Variants in C3orf70 observed in about 807,000 individuals in gnomAD.
C3orf70 encodes UPF0524 protein C3orf70.
Under a neutral mutation model 20.7 loss-of-function variants are expected in C3orf70, and 15 were observed. The ratio of observed to expected loss-of-function variants is 0.72; its 90% confidence interval spans 0.48 to 1.11. The LOEUF (loss-of-function observed/expected upper bound fraction) is 1.11. C3orf70 is among the 50% of genes most tolerant of loss of function. The probability of loss-of-function intolerance (pLI) is 0.00; values close to 1 mark genes in which losing one functional copy is unlikely to be tolerated. For missense variants in C3orf70, 332 were observed against 317.6 expected (o/e 1.05, Z -0.34); for synonymous variants, 161 against 125.7 (o/e 1.28, Z -1.88).
chr3:185,140,982 G>GA (rs1716739871), intron 1 of C3orf70, among the ~76,000 whole-genome samples: 8 of 124,000 alleles, frequency 6.5e-5, no homozygotes, highest in Middle Eastern at 4.0e-3. Context: ...AAAAAAAAAA[G>GA]AAAAAAAAAG....
intron 1 of C3orf70, among the ~76,000 whole-genome samples, chr3:185,142,408 G>A (rs1716773694): frequency 6.6e-6 from 1 of 152,190 alleles, no homozygotes; most frequent in Non-Finnish European, 1.5e-5. Context: ...ACTCCAGCCT[G>A]GGTGACACAG....
intron 1 of C3orf70, among the ~76,000 whole-genome samples, chr3:185,125,340 A>C (rs1716384491): frequency 6.6e-6 from 1 of 152,044 alleles, no homozygotes; most frequent in African/African-American, 2.4e-5. Flanking sequence ...ACACCATGCC[A>C]TTGCACTCCA....
chr3:185,083,269 G>A lies in C3orf70; in HGVS notation c.491C>T (p.Ala164Val), dbSNP rs776140133. ...SHRMSPEEVSAHDALISKESN... is the reference protein window; with the variant it reads ...SHRMSPEEVSVHDALISKESN... ...CTCTTTTGAAATTAAGGCATCGTGT[G>A]CAGAGACCTCCTCAGGGCTCATTCT... Residue 164 changes from alanine (A) to valine (V), a missense_variant, in exon 2 of 2, where the codon GCA (alanine) becomes GTA (valine). Coordinates refer to ENST00000335012, the MANE Select transcript of C3orf70 (RefSeq NM_001025266.3). The A allele has an allele frequency of 5.5e-5, 88 of 1,614,072 alleles. No homozygotes were observed. The highest frequency in any genetic ancestry group is 7.1e-5 in the Non-Finnish European group (84 of 1,180,050).
chr3:185,084,155 C>T (rs1314661941), intron 1 of C3orf70, among the ~76,000 whole-genome samples: 1 of 151,810 alleles, frequency 6.6e-6, no homozygotes, highest in African/African-American at 2.4e-5. Context: ...TGCACTCCAG[C>T]CTGGGCGACA....
intron 1 of C3orf70, among the ~76,000 whole-genome samples, chr3:185,105,382 A>G (rs1423033217): frequency 1.3e-5 from 2 of 152,244 alleles, no homozygotes; most frequent in Non-Finnish European, 2.9e-5. Context: ...AACCGCTTAA[A>G]GCCATTCTTA....
rs563140145 is a variant in C3orf70 at position 185,146,092 on chromosome 3, A to C, written c.196+6536T>G. Among the ~76,000 whole-genome samples, 13 of 152,136 alleles carry C rather than the reference A, an allele frequency of 8.5e-5. No homozygotes were observed. The East Asian group carries it at 1.6e-3, about 18-fold the overall frequency. ...CCTATCAGCTTTCTCTGTCTCTGGA[A>C]GAACCTATCAGCTTTCTCTATCTCT... On this transcript the variant is annotated intron_variant, in intron 1 of 1. Transcript: ENST00000335012.
At chr3:185,150,959 T>C (rs767052778) in intron 1 of C3orf70, among the ~76,000 whole-genome samples, 1 of 152,192 alleles carries the variant, frequency 6.6e-6, no homozygotes, top group Non-Finnish European at 1.5e-5. Context: ...AGGAAAGACA[T>C]TGTGAGAATG....
At chr3:185,098,341 G>C (rs1030518778) in intron 1 of C3orf70, among the ~76,000 whole-genome samples, 4 of 152,164 alleles carry the variant, frequency 2.6e-5, no homozygotes, top group African/African-American at 9.7e-5. Flanking sequence ...ATTTAATGTT[G>C]CTAATAAAAA....
chr3:185,143,035 T>C (rs1392983205), intron 1 of C3orf70, among the ~76,000 whole-genome samples: 1 of 152,210 alleles, frequency 6.6e-6, no homozygotes, highest in Non-Finnish European at 1.5e-5. Context: ...CCCTGGATTT[T>C]TTATAAAGTC....
At chr3:185,104,360 T>A (rs1434321656) in intron 1 of C3orf70, among the ~76,000 whole-genome samples, 1 of 152,200 alleles carries the variant, frequency 6.6e-6, no homozygotes, top group East Asian at 1.9e-4. Context: ...AAAGGAATGC[T>A]TATACACTGT....
At chr3:185,111,295 A>G (rs993309905) in intron 1 of C3orf70, among the ~76,000 whole-genome samples, 2 of 152,230 alleles carry the variant, frequency 1.3e-5, no homozygotes, top group African/African-American at 4.8e-5. Context: ...CAAGAAAGTG[A>G]AAAAAGACAA....
At chr3:185,138,082 G>A (rs76864625) in intron 1 of C3orf70, among the ~76,000 whole-genome samples, 1 of 152,026 alleles carries the variant, frequency 6.6e-6, no homozygotes, top group Non-Finnish European at 1.5e-5. Context: ...ATACCATGGA[G>A]ACAACAAAAG....
rs200241839 is a variant in C3orf70 at position 185,082,999 on chromosome 3, C to G, written c.*8G>C. Reference sequence around the variant, plus strand: ...TGGGTCCGAGGCTGTGGCTTCCTGTCTGGACTCTCACACAGTCGTTTCTAT... The same window carrying G: ...TGGGTCCGAGGCTGTGGCTTCCTGTGTGGACTCTCACACAGTCGTTTCTAT... On this transcript the variant is annotated 3_prime_UTR_variant, in exon 2 of 2. Coordinates refer to ENST00000335012, the MANE Select transcript of C3orf70 (RefSeq NM_001025266.3). 2.4e-4 allele frequency: 394 copies of G among 1,609,798 alleles called. No homozygotes were observed. Among genetic ancestry groups the G allele is most frequent in the Middle Eastern group, 7.2e-4 (4 of 5,592 alleles).
intron 1 of C3orf70, among the ~76,000 whole-genome samples, chr3:185,129,625 G>A (rs577686020): frequency 6.6e-6 from 1 of 152,262 alleles, no homozygotes; most frequent in Admixed American, 6.5e-5. Flanking sequence ...AGTTCCTTGA[G>A]AAATCTCCAA....
intron 1 of C3orf70, among the ~76,000 whole-genome samples, chr3:185,109,690 A>G (rs1000625211): frequency 6.6e-6 from 1 of 152,164 alleles, no homozygotes; most frequent in Non-Finnish European, 1.5e-5. Flanking sequence ...GAACAATTAT[A>G]CTTATTGGGC....
chr3:185,096,484 G>A (rs183426686), intron 1 of C3orf70, among the ~76,000 whole-genome samples: 274 of 152,272 alleles, frequency 1.8e-3, no homozygotes, highest in African/African-American at 6.3e-3. Flanking sequence ...GACTATGAAT[G>A]TGCTAGCTGT....
chr3:185,096,951 C>G (rs1715722082), intron 1 of C3orf70, among the ~76,000 whole-genome samples: 1 of 152,176 alleles, frequency 6.6e-6, no homozygotes, highest in African/African-American at 2.4e-5. Context: ...TTGGGCTGAA[C>G]CCCCAGCCTT....
intron 1 of C3orf70, among the ~76,000 whole-genome samples, chr3:185,122,039 C>T (rs978848158): frequency 6.9e-6 from 1 of 145,804 alleles, no homozygotes; most frequent in Non-Finnish European, 1.5e-5. Flanking sequence ...GCGGAGCTTG[C>T]AGTGAACCGA....
Position 185,082,610 on chromosome 3 carries a change from A to C in C3orf70, c.*397T>G. 4.8e-6 allele frequency: 1 copy of C among 210,482 alleles called. No homozygotes were observed. The highest frequency in any genetic ancestry group is 9.6e-6 in the Non-Finnish European group (1 of 104,636). 13.0% of individuals were successfully genotyped at this position (210,482 alleles called of 1,614,324 possible). The stretch of plus-strand genomic sequence containing the variant: ...GGACGGGAGTGCCTGTGAACATGCC[A>C]AAGGGAATGGCAAGAGTCTCTGTGA... On this transcript the variant is annotated 3_prime_UTR_variant, in exon 2 of 2. Transcript: ENST00000335012.
Sources: gnomAD v4.1 joint callset for allele counts (sites outside exome capture counted in the v4.1 genomes callset) on GRCh38, gnomAD v4.1.1 for gene constraint, MANE v1.5 for transcripts, NCBI Gene and HGNC (gene_info 2026-07-23, HGNC 2026-07-21) for gene names.